Variants in PCDHA5 observed in about 807,000 individuals in gnomAD.
PCDHA5 encodes protocadherin alpha-5.
A neutral mutation model predicts 61.6 loss-of-function variants in PCDHA5; 43 were observed. The ratio of observed to expected loss-of-function variants is 0.70; its 90% CI spans 0.55 to 0.90. PCDHA5 has a LOEUF of 0.90. PCDHA5 is among the 40% of genes least tolerant of loss of function. The probability of loss-of-function intolerance (pLI) is 0.00; values close to 1 mark genes in which losing one functional copy is unlikely to be tolerated. For synonymous variants in PCDHA5, 627 were observed against 543.9 expected (o/e 1.15, Z -2.13); for missense variants, 1,298 against 1,222.7 (o/e 1.06, Z -0.92).
chr5:140,974,944 T>C (rs1216786290), intron 1 of PCDHA5, among the ~76,000 whole-genome samples: 1 of 152,210 alleles, frequency 6.6e-6, no homozygotes, highest in African/African-American at 2.4e-5. Context: ...ACCTATTTGT[T>C]ATCTCACAGT....
intron 1 of PCDHA5, among the ~76,000 whole-genome samples, chr5:140,912,519 T>G (rs770184717): frequency 6.6e-6 from 1 of 152,164 alleles, no homozygotes. Context: ...TCTTTAGGGT[T>G]TTCAGAGTAC....
chr5:140,995,674 A>AT (rs1240189428), intron 3 of PCDHA5, among the ~76,000 whole-genome samples: 2 of 152,112 alleles, frequency 1.3e-5, no homozygotes, highest in South Asian at 2.1e-4. Context: ...TAAATGCAGC[A>AT]TTTTTTTTAA....
chr5:140,852,099 AT>A, intron 1 of PCDHA5: 1 of 909,604 alleles, frequency 1.1e-6, no homozygotes, highest in Non-Finnish European at 1.3e-6. Flanking sequence ...TGTGTCAGAT[AT>A]TTTACAAGGT....
rs1554204607 is a variant in PCDHA5 at position 140,927,485 on chromosome 5, C to G, written c.2353-51464C>G. On this transcript the variant is annotated intron_variant, in intron 1 of 3. Transcript: ENST00000529859. ...GCACTGGATCGCGAACAGCGCGCCA[C>G]CCACCTGCTGGTGCTTACAGCTCGG... is the stretch of plus-strand genomic sequence containing the variant. The G allele has an allele frequency of 2.5e-6, 4 of 1,614,098 alleles. No individual in the cohort carries two copies. In the Admixed American group the frequency reaches 6.7e-5, roughly 27 times the overall value.
chr5:140,824,549 T>C, intron 1 of PCDHA5: 1 of 178,800 alleles, frequency 5.6e-6, no homozygotes, highest in South Asian at 1.5e-4. Context: ...ACTCCTGGGC[T>C]CAAGTGATCC....
intron 3 of PCDHA5, among the ~76,000 whole-genome samples, chr5:140,992,189 G>T (rs1554252741): frequency 6.6e-6 from 1 of 152,098 alleles, no homozygotes; most frequent in Non-Finnish European, 1.5e-5. Context: ...TGCTTTCAGT[G>T]ATCTATCCAA....
chr5:141,003,017 G>T (rs1398844749), intron 3 of PCDHA5, among the ~76,000 whole-genome samples: 1 of 152,240 alleles, frequency 6.6e-6, no homozygotes, highest in Non-Finnish European at 1.5e-5. Flanking sequence ...GGGAAAGTCA[G>T]TGTAAATCAG....
chr5:140,967,201 A>G (rs1554229306), intron 1 of PCDHA5: 7 of 1,613,620 alleles, frequency 4.3e-6, no homozygotes, highest in Non-Finnish European at 5.9e-6. Flanking sequence ...ACGACAACTC[A>G]CCGCGTTTCC....
chr5:140,835,412 A>C lies in PCDHA5; in HGVS notation c.2352+11285A>C, dbSNP rs2150235201. The C allele has an allele frequency of 4.3e-6, 7 of 1,613,988 alleles. No homozygotes were observed. The East Asian group carries it at 1.6e-4, about 36-fold the overall frequency. On this transcript the variant is annotated intron_variant, in intron 1 of 3. Coordinates refer to ENST00000529859, the MANE Select transcript of PCDHA5 (RefSeq NM_018908.3). ...CAGTTCTTGTGGAAGTTGTGGATGT[A>C]AATGACAATGCTCCACAGTTGACTC...
intron 1 of PCDHA5, chr5:140,877,080 C>A (rs113692468): frequency 9.9e-6 from 16 of 1,612,944 alleles, no homozygotes; most frequent in Non-Finnish European, 1.4e-5. Flanking sequence ...TCCAGGTGAG[C>A]GCGCGCGACG....
intron 1 of PCDHA5, among the ~76,000 whole-genome samples, chr5:140,873,668 T>G (rs1315193684): frequency 6.6e-6 from 1 of 152,206 alleles, no homozygotes; most frequent in Non-Finnish European, 1.5e-5. Flanking sequence ...TATTATTATT[T>G]GTTTCTTTTT....
chr5:140,968,125 TAC>T, intron 1 of PCDHA5: 1 of 1,614,174 alleles, frequency 6.2e-7, no homozygotes, highest in Non-Finnish European at 8.5e-7. Context: ...CATCCCTGCG[TAC>T]ACTGAAGGTT....
intron 1 of PCDHA5, chr5:140,884,600 C>G: frequency 6.2e-7 from 1 of 1,614,150 alleles, no homozygotes; most frequent in African/African-American, 1.3e-5. Flanking sequence ...CAGCCTTCCT[C>G]CTTGTCTGGG....
intron 1 of PCDHA5, chr5:140,834,759 A>T: frequency 6.2e-7 from 1 of 1,614,152 alleles, no homozygotes; most frequent in Non-Finnish European, 8.5e-7. Context: ...GGTGAAGGAC[A>T]TTAACGACAA....
intron 1 of PCDHA5, chr5:140,847,826 A>T (rs914616937): frequency 6.7e-6 from 1 of 149,784 alleles, no homozygotes; most frequent in Non-Finnish European, 1.5e-5. Flanking sequence ...TACTCAAGAA[A>T]ACTACCTCAG....
chr5:140,836,618 G>A (rs2150265827), intron 1 of PCDHA5: 4 of 1,613,598 alleles, frequency 2.5e-6, no homozygotes, highest in African/African-American at 2.7e-5. Flanking sequence ...CCAGCGCGGT[G>A]GGGAGCTGGT....
At chr5:140,941,412 G>A (rs246068) in intron 1 of PCDHA5, among the ~76,000 whole-genome samples, 46,949 of 148,492 alleles carry the variant, frequency 0.32, 7,794 homozygotes, top group East Asian at 0.53. Context: ...CGCCTCCCGG[G>A]TTCAAGCAAT....
Position 140,848,697 on chromosome 5 carries a change from T to C in PCDHA5, c.2352+24570T>C. ...GGTGCCGCGCCTGTTCCAGTTGGAT[T>C]CCAAAGGCCGCGGGGACCTTCTGGA... On this transcript the variant is annotated intron_variant, in intron 1 of 3. Coordinates refer to ENST00000529859, the MANE Select transcript of PCDHA5 (RefSeq NM_018908.3). 11 of 1,592,356 alleles carry C rather than the reference T, an allele frequency of 6.9e-6. 1 individual carries two copies. The highest frequency in any genetic ancestry group is 9.5e-6 in the Non-Finnish European group (11 of 1,163,328).
intron 1 of PCDHA5, among the ~76,000 whole-genome samples, chr5:140,893,391 G>A (rs1481818388): frequency 6.6e-6 from 1 of 152,158 alleles, no homozygotes; most frequent in Non-Finnish European, 1.5e-5. Context: ...AGTGGCTCAT[G>A]CCTGTAATCC....
Sources: gnomAD v4.1 joint callset for allele counts (sites outside exome capture counted in the v4.1 genomes callset) on GRCh38, gnomAD v4.1.1 for gene constraint, MANE v1.5 for transcripts, NCBI Gene and HGNC (gene_info 2026-07-23, HGNC 2026-07-21) for gene names.